Variants in MBNL2 observed in about 807,000 individuals in gnomAD.
The protein encoded by MBNL2 is muscleblind-like protein 2.
In MBNL2, 17 loss-of-function variants were observed where a neutral mutation model predicts 41.9. That is an observed-to-expected ratio of 0.41 (90% confidence interval 0.28 to 0.61). The LOEUF (loss-of-function observed/expected upper bound fraction) is 0.61. Ranked by LOEUF, MBNL2 falls within the 20% of genes least tolerant of loss-of-function variation. MBNL2 has a pLI of 0.35. For synonymous variants in MBNL2, 195 were observed against 182.9 expected, an observed-to-expected ratio of 1.07 and a Z score of -0.53; for missense variants, 336 against 505.6, an observed-to-expected ratio of 0.66 and a Z score of 3.22.
At chr13:97,155,756 A>G in the MBNL2 span, among the ~76,000 whole-genome samples, 1 of 152,158 alleles carries the variant, frequency 6.6e-6, no homozygotes, top group Non-Finnish European at 1.5e-5. Flanking sequence ...ATAGTATTCC[A>G]TGGTGTACAT....
the MBNL2 span, among the ~76,000 whole-genome samples, chr13:97,203,925 GATGA>G: frequency 3.3e-5 from 5 of 151,864 alleles, no homozygotes; most frequent in East Asian, 3.9e-4. Flanking sequence ...TGGACGGACG[GATGA>G]ATGGATGGAC....
the MBNL2 span, among the ~76,000 whole-genome samples, chr13:97,143,978 G>A: frequency 3.3e-4 from 50 of 151,960 alleles, no homozygotes; most frequent in Middle Eastern, 3.2e-3. Context: ...CGAGTAGCTG[G>A]GATTACAGGC....
intron 1 of MBNL2, among the ~76,000 whole-genome samples, chr13:97,265,466 A>C (rs1207501226): frequency 3.9e-5 from 6 of 152,210 alleles, no homozygotes; most frequent in African/African-American, 1.4e-4. Flanking sequence ...AGTTAGAAAG[A>C]ATGAAAGTTT....
At chr13:97,153,311 G>C in the MBNL2 span, among the ~76,000 whole-genome samples, 3 of 151,252 alleles carry the variant, frequency 2.0e-5, no homozygotes, top group Non-Finnish European at 4.4e-5. Context: ...GTGTTTGAGC[G>C]TGTGTGTGAG....
the MBNL2 span, among the ~76,000 whole-genome samples, chr13:97,170,125 T>C: frequency 3.9e-5 from 6 of 152,248 alleles, no homozygotes; most frequent in African/African-American, 1.4e-4. Context: ...TTCAGTTTTT[T>C]GTGACTAGAA....
At chr13:97,287,835 C>T (rs1293779447) in intron 2 of MBNL2, among the ~76,000 whole-genome samples, 36 of 149,642 alleles carry the variant, frequency 2.4e-4, no homozygotes, top group African/African-American at 8.9e-4. Context: ...AAGTGATTCT[C>T]CTGCGTTCAA....
At chr13:97,332,387 A>T (rs2060504711) in intron 2 of MBNL2, among the ~76,000 whole-genome samples, 1 of 152,226 alleles carries the variant, frequency 6.6e-6, no homozygotes, top group Non-Finnish European at 1.5e-5. Context: ...CAATTCAAAG[A>T]CTTTGCACAC....
chr13:97,167,896 A>G, the MBNL2 span, among the ~76,000 whole-genome samples: 1 of 152,216 alleles, frequency 6.6e-6, no homozygotes, highest in South Asian at 2.1e-4. Flanking sequence ...AAATTAATAT[A>G]TTGTCACATC....
chr13:97,189,613 T>C, the MBNL2 span, among the ~76,000 whole-genome samples: 3 of 152,340 alleles, frequency 2.0e-5, no homozygotes, highest in Admixed American at 1.3e-4. Context: ...CATGCACACA[T>C]GAGCATATAT....
chr13:97,148,279 T>C, the MBNL2 span, among the ~76,000 whole-genome samples: 1 of 152,192 alleles, frequency 6.6e-6, no homozygotes, highest in Non-Finnish European at 1.5e-5. Context: ...GAGACAATTC[T>C]GCCTGTAGGA....
At chr13:97,160,123 T>C in the MBNL2 span, among the ~76,000 whole-genome samples, 1 of 152,216 alleles carries the variant, frequency 6.6e-6, no homozygotes, top group Non-Finnish European at 1.5e-5. Flanking sequence ...AAAGTAATTT[T>C]CTTATGTTTA....
chr13:97,377,000 T>C (rs762261966), intron 8 of MBNL2, among the ~76,000 whole-genome samples: 1 of 152,142 alleles, frequency 6.6e-6, no homozygotes, highest in Non-Finnish European at 1.5e-5. Flanking sequence ...GAGAAAGTGC[T>C]TTAACGGATC....
intron 8 of MBNL2, among the ~76,000 whole-genome samples, chr13:97,375,842 T>C (rs1438686852): frequency 6.6e-6 from 1 of 152,176 alleles, no homozygotes; most frequent in African/African-American, 2.4e-5. Context: ...GCTGTGATTG[T>C]GTCAGATCTA....
intron 7 of MBNL2, among the ~76,000 whole-genome samples, chr13:97,363,649 G>A (rs1346933536): frequency 6.6e-6 from 1 of 152,118 alleles, no homozygotes; most frequent in Non-Finnish European, 1.5e-5. Flanking sequence ...CCAAATTGAA[G>A]AGGAATGAAG....
the MBNL2 span, among the ~76,000 whole-genome samples, chr13:97,170,703 G>A: frequency 6.6e-6 from 1 of 152,078 alleles, no homozygotes; most frequent in Non-Finnish European, 1.5e-5. Flanking sequence ...CAAAAAATCT[G>A]AGAAAAAAAT....
At position 97,347,013 on chromosome 13, in the gene MBNL2, A is replaced by G. The variant is rs765170512; in HGVS notation, c.750A>G (p.Gln250=). ...LQAKIKAAQH[Q]ANQAAVAAQA... ...CCAAAATCAAAGCTGCGCAGCACCA[A>G]GCCAACCAAGCTGCGGTGGCCGCCC... The change falls in exon 5 of 9, where the codon CAA becomes CAG. Residue 250 remains glutamine (Q), a synonymous_variant. Coordinates refer to ENST00000679496, the MANE Select transcript of MBNL2 (RefSeq NM_001382683.1). 3.1e-6 allele frequency: 5 copies of G among 1,613,304 alleles called. No individual in the cohort carries two copies. The highest frequency in any genetic ancestry group is 4.2e-6 in the Non-Finnish European group (5 of 1,179,560).
chr13:97,357,380 G>T, intron 6 of MBNL2, 102 bp from the exon 7 acceptor site: 2 of 961,424 alleles, frequency 2.1e-6, no homozygotes, highest in Non-Finnish European at 1.6e-6. Context: ...CATCTCCTTA[G>T]CTGTCATTTT....
At chr13:97,254,093 G>C (rs2047089858) in intron 1 of MBNL2, among the ~76,000 whole-genome samples, 1 of 152,042 alleles carries the variant, frequency 6.6e-6, no homozygotes. Flanking sequence ...TTTCGCCATG[G>C]TGGCCAGGCT....
chr13:97,375,946 C>T lies in MBNL2; in HGVS notation c.1048+10775C>T, dbSNP rs2064927520. On this transcript the variant is annotated intron_variant, in intron 8 of 8. Transcript: ENST00000679496. ...AAGAGGAGGATATGGTGGGGCAGTC[C>T]TAGAAATTGCAGCTGAGTGGATCAG... Among the ~76,000 whole-genome samples, 3 of 151,982 alleles carry T rather than the reference C, an allele frequency of 2.0e-5. No homozygotes were observed. The South Asian group carries it at 6.2e-4, about 32-fold the overall frequency.
Sources: allele counts gnomAD v4.1 joint callset (sites outside exome capture counted in the v4.1 genomes callset), GRCh38; gene constraint gnomAD v4.1.1; transcripts MANE v1.5; gene names NCBI Gene and HGNC (gene_info 2026-07-23, HGNC 2026-07-21).